TARS3: variants seen among roughly 807,000 people sequenced by gnomAD.
TARS3 encodes the protein threonyl-tRNA synthetase 3, also known as threonine--tRNA ligase 2, cytoplasmic.
TARS3 carries 94 observed loss-of-function variants against 103.5 expected under a neutral mutation model. The ratio of observed to expected loss-of-function variants is 0.91; its 90% confidence interval spans 0.77 to 1.08. The LOEUF is 1.08. Among genes scored for constraint, TARS3 ranks in the 50% least tolerant of loss-of-function variants. The pLI is 0.00. For synonymous variants in TARS3, 416 were observed against 355.4 expected (o/e 1.17, Z -1.92); for missense variants, 952 against 995.2 (o/e 0.96, Z 0.58).
rs889231018 is a variant in TARS3, at chr15:101,724,211, G to C, written c.177C>G (p.Ala59=). 1.3e-6 allele frequency: 2 copies of C among 1,531,352 alleles called. No homozygotes were observed. The highest frequency in any genetic ancestry group is 2.0e-5 in the Admixed American group (1 of 51,024). 94.9% of individuals were successfully genotyped at this position (1,531,352 alleles called of 1,614,324 possible). A position where few individuals can be genotyped will look rare whatever the true frequency, so the allele number is the denominator to read the frequency against. ...CLTREVAQLR[A]ENCDLRHRLC... The stretch of plus-strand genomic sequence containing the variant: ...GGCGGTGGCGCAGGTCGCAGTTCTC[G>C]GCCCGGAGCTGCGCCACCTCCCGCG... Residue 59 remains alanine, a synonymous_variant, in exon 1 of 19, where the codon GCC becomes GCG. Coordinates refer to ENST00000335968, the MANE Select transcript of TARS3 (RefSeq NM_152334.3).
intron 13 of TARS3, among the ~76,000 whole-genome samples, chr15:101,672,106 A>G (rs1183790853): frequency 6.6e-6 from 1 of 152,038 alleles, no homozygotes; most frequent in South Asian, 2.1e-4. Context: ...GCCTCCACAC[A>G]TGAAAAAGCA....
At chr15:101,678,935 T>C (rs1898142429) in intron 12 of TARS3, among the ~76,000 whole-genome samples, 1 of 152,230 alleles carries the variant, frequency 6.6e-6, no homozygotes, top group Admixed American at 6.5e-5. Context: ...TTTTTCTTTT[T>C]TCAGCACTTT....
chr15:101,681,433 C>G (rs1898251309), intron 12 of TARS3, among the ~76,000 whole-genome samples: 1 of 152,126 alleles, frequency 6.6e-6, no homozygotes, highest in South Asian at 2.1e-4. Flanking sequence ...TTTATTTAGG[C>G]CTTCTTTAAA....
chr15:101,658,373 C>T (rs1331062503), intron 16 of TARS3, among the ~76,000 whole-genome samples: 2 of 146,940 alleles, frequency 1.4e-5, no homozygotes, highest in African/African-American at 2.5e-5. Flanking sequence ...ACATGGATGG[C>T]TCTTAAGGGA....
intron 13 of TARS3, among the ~76,000 whole-genome samples, chr15:101,674,313 C>A (rs1203814236): frequency 6.6e-6 from 1 of 152,086 alleles, no homozygotes; most frequent in Non-Finnish European, 1.5e-5. Context: ...AGTGAAGCCA[C>A]AAAATGCTTC....
intron 12 of TARS3, among the ~76,000 whole-genome samples, chr15:101,676,073 G>A (rs1459721902): frequency 2.0e-5 from 3 of 152,368 alleles, no homozygotes; most frequent in Middle Eastern, 3.4e-3. Flanking sequence ...CAGGAGCTCT[G>A]TGAGCAGAGG....
intron 2 of TARS3, among the ~76,000 whole-genome samples, chr15:101,721,703 C>T (rs1900470578): frequency 6.6e-6 from 1 of 152,158 alleles, no homozygotes; most frequent in South Asian, 2.1e-4. Flanking sequence ...CCATGTTGGC[C>T]AGGCTGGTCT....
intron 5 of TARS3, among the ~76,000 whole-genome samples, chr15:101,710,965 T>C (rs1278699828): frequency 6.6e-6 from 1 of 152,108 alleles, no homozygotes; most frequent in Non-Finnish European, 1.5e-5. Flanking sequence ...CTAGGAGCTA[T>C]GAGGAATTCA....
At chr15:101,668,613 C>A (rs1897673766) in intron 15 of TARS3, among the ~76,000 whole-genome samples, 1 of 152,094 alleles carries the variant, frequency 6.6e-6, no homozygotes, top group Non-Finnish European at 1.5e-5. Context: ...CACAGGGCTG[C>A]CACAAACCTT....
rs780633353 is a variant in TARS3 at position 101,705,741 on chromosome 15, T to C, written c.937A>G (p.Lys313Glu). 9 of 1,606,776 alleles carry C rather than the reference T, an allele frequency of 5.6e-6. No individual in the cohort carries two copies. In the East Asian group the frequency reaches 1.8e-4, roughly 32 times the overall value. ...TCATTCAGAATGCGGCATTTAAATTTATTGTACTACGAAGAAAAACATATT... is the reference window on the plus strand; with the variant it reads ...TCATTCAGAATGCGGCATTTAAATTCATTGTACTACGAAGAAAAACATATT... ...EILLEMFKYN[K>E]FKCRILNEKV... is the part of the protein sequence containing the mutation. Residue 313 changes from lysine to glutamate, a missense_variant, in exon 7 of 19, where the codon AAA (lysine) becomes GAA (glutamate). Lys to Glu is a moderately conservative substitution (Grantham distance 56, BLOSUM62 1). This residue lies in a region of TARS3 where 540 missense variants were observed against 631.0 expected (regional missense o/e 0.86). Coordinates refer to ENST00000335968, the MANE Select transcript of TARS3 (RefSeq NM_152334.3).
At chr15:101,656,859 G>T in intron 18 of TARS3, 63 bp downstream of exon 18, 2 of 951,090 alleles carry the variant, frequency 2.1e-6, no homozygotes, top group Non-Finnish European at 3.3e-6. Context: ...TTTCTTATTT[G>T]GTCTTTTGGA....
intron 13 of TARS3, among the ~76,000 whole-genome samples, chr15:101,672,262 G>A (rs574753035): frequency 7.9e-5 from 12 of 152,146 alleles, no homozygotes; most frequent in Non-Finnish European, 1.3e-4. Context: ...GGGGTGTGGA[G>A]GCATGAGGCT....
At chr15:101,707,901 T>A (rs1229096020) in intron 6 of TARS3, among the ~76,000 whole-genome samples, 1 of 152,132 alleles carries the variant, frequency 6.6e-6, no homozygotes, top group African/African-American at 2.4e-5. Flanking sequence ...CAAAACCAAC[T>A]CTATTTTTTT....
At chr15:101,658,321 A>AG (rs1380547082) in intron 16 of TARS3, among the ~76,000 whole-genome samples, 1 of 151,836 alleles carries the variant, frequency 6.6e-6, no homozygotes, top group East Asian at 1.9e-4. Flanking sequence ...CAAAAAAAAA[A>AG]AAAAAAAAAA....
intron 5 of TARS3, 105 bp downstream of exon 5, chr15:101,711,775 A>G: frequency 1.5e-6 from 2 of 1,343,306 alleles, no homozygotes; most frequent in Non-Finnish European, 2.0e-6. Flanking sequence ...CTAACCCCAC[A>G]TTATGTAAGG....
intron 16 of TARS3, among the ~76,000 whole-genome samples, chr15:101,660,901 G>A (rs1356632745): frequency 6.6e-6 from 1 of 152,226 alleles, no homozygotes; most frequent in African/African-American, 2.4e-5. Flanking sequence ...AACAGCGGGG[G>A]CCTTTTGGTG....
intron 10 of TARS3, among the ~76,000 whole-genome samples, chr15:101,694,942 G>A (rs985261569): frequency 2.0e-5 from 3 of 152,182 alleles, no homozygotes; most frequent in Non-Finnish European, 2.9e-5. Context: ...TTAAGTGTAG[G>A]ATGATGACAA....
At chr15:101,662,761 G>C (rs1897432243) in intron 15 of TARS3, among the ~76,000 whole-genome samples, 1 of 152,162 alleles carries the variant, frequency 6.6e-6, no homozygotes, top group Non-Finnish European at 1.5e-5. Flanking sequence ...TTTGTGTAGG[G>C]AAGAAAGAGA....
In TARS3 at chr15:101,724,461, CACGGCAGAAG is replaced by C; in HGVS notation, c.-84_-75del. On this transcript the variant is annotated 5_prime_UTR_variant, in exon 1 of 19. Transcript: ENST00000335968. Reference sequence around the variant, plus strand: ...GCGAGGGCGACGCGGACACTCAGCGCACGGCAGAAGACAGGGCTCCCGGGAGGGGCGGGGC... The same window carrying C: ...GCGAGGGCGACGCGGACACTCAGCGCACAGGGCTCCCGGGAGGGGCGGGGC... 1 of 1,349,956 alleles carries C rather than the reference CACGGCAGAAG, an allele frequency of 7.4e-7. No individual in the cohort carries two copies. Among genetic ancestry groups the C allele is most frequent in the African/African-American group, 1.5e-5 (1 of 64,896 alleles). The allele number at this position is 1,349,956 out of a possible 1,614,324, so 83.6% of individuals were successfully genotyped here. A position where few individuals can be genotyped will look rare whatever the true frequency, so the allele number is the denominator to read the frequency against.
Sources: gnomAD v4.1 joint callset for allele counts (sites outside exome capture counted in the v4.1 genomes callset) on GRCh38, gnomAD v4.1.1 for gene constraint, gnomAD v4.1.1 regional missense constraint, MANE v1.5 for transcripts, NCBI Gene and HGNC (gene_info 2026-07-23, HGNC 2026-07-21) for gene names.